Variants in CRB1 observed in about 807,000 individuals in gnomAD.
The protein encoded by CRB1 is protein crumbs homolog 1.
In CRB1, 83 loss-of-function variants were observed where a neutral mutation model predicts 120.0. That is an observed-to-expected ratio of 0.69 (90% CI 0.58 to 0.83). The LOEUF is 0.83. CRB1 is among the 40% of genes least tolerant of loss of function. CRB1 has a pLI of 0.00. For synonymous variants in CRB1, 625 were observed against 612.5 expected (o/e 1.02, Z -0.30); for missense variants, 1,699 against 1,687.6 (o/e 1.01, Z -0.12).
intron 1 of CRB1, among the ~76,000 whole-genome samples, chr1:197,302,629 C>T (rs1656935444): frequency 6.6e-6 from 1 of 152,096 alleles, no homozygotes; most frequent in South Asian, 2.1e-4. Flanking sequence ...GTTCAACTGT[C>T]TCTGATAGAG....
chr1:197,364,293 A>G (rs900435347), intron 5 of CRB1, among the ~76,000 whole-genome samples: 4 of 152,254 alleles, frequency 2.6e-5, no homozygotes, highest in East Asian at 1.9e-4. Flanking sequence ...GATTATTTCT[A>G]TCTAACTGCT....
chr1:197,394,108 T>C (rs377465604), intron 5 of CRB1, among the ~76,000 whole-genome samples: 1 of 152,066 alleles, frequency 6.6e-6, no homozygotes, highest in South Asian at 2.1e-4. Flanking sequence ...TGCCCAACTA[T>C]GTGCAGATTT....
intron 4 of CRB1, among the ~76,000 whole-genome samples, chr1:197,355,916 G>T (rs377723575): frequency 6.6e-6 from 1 of 152,264 alleles, no homozygotes; most frequent in East Asian, 1.9e-4. Flanking sequence ...CGCCCAGAGC[G>T]AGCGAGGGCT....
intron 1 of CRB1, among the ~76,000 whole-genome samples, chr1:197,293,198 AG>A (rs1372080632): frequency 6.6e-6 from 1 of 152,330 alleles, no homozygotes; most frequent in East Asian, 1.9e-4. Context: ...TAAGCTGATA[AG>A]AAACTTCAGC....
At chr1:197,311,247 G>A (rs1657500419) in intron 1 of CRB1, among the ~76,000 whole-genome samples, 1 of 152,188 alleles carries the variant, frequency 6.6e-6, no homozygotes, top group South Asian at 2.1e-4. Context: ...CAACATGGAT[G>A]AACCTTGAGG....
At chr1:197,216,603 AAAAATT>A in the CRB1 span, among the ~76,000 whole-genome samples, 2 of 152,196 alleles carry the variant, frequency 1.3e-5, no homozygotes, top group Non-Finnish European at 2.9e-5. Flanking sequence ...TACCTTCACT[AAAAATT>A]AATTATGATT....
the CRB1 span, among the ~76,000 whole-genome samples, chr1:197,203,961 C>T: frequency 6.6e-6 from 1 of 152,092 alleles, no homozygotes; most frequent in Non-Finnish European, 1.5e-5. Context: ...CACCCTTTCC[C>T]TGAATCCCCA....
chr1:197,298,548 T>C (rs1159620283), intron 1 of CRB1, among the ~76,000 whole-genome samples: 5 of 152,028 alleles, frequency 3.3e-5, no homozygotes, highest in African/African-American at 1.2e-4. Context: ...GATTCTAAAA[T>C]TGAGGAGAAT....
chr1:197,421,522 G>C lies in CRB1; in HGVS notation c.1694G>C (p.Gly565Ala). The change falls in exon 6 of 12, where the codon GGA (glycine) becomes GCA (alanine). Residue 565 changes from glycine (G) to alanine (A), a missense_variant. Gly to Ala is a moderately conservative substitution (Grantham distance 60, BLOSUM62 0). Transcript: ENST00000367400. ...TTCATTTCCCACAACACCAGCGATG[G>C]AGAGTGGCATTTCGTGGAGGTAATA... ...LLFISHNTSD[G>A]EWHFVEVIFA... is the part of the protein sequence containing the mutation. 6.2e-7 allele frequency: 1 copy of C among 1,614,252 alleles called. No homozygotes were observed. Among genetic ancestry groups the C allele is most frequent in the Non-Finnish European group, 8.5e-7 (1 of 1,180,052 alleles).
At chr1:197,327,537 A>T (rs1482592254) in intron 1 of CRB1, among the ~76,000 whole-genome samples, 1 of 152,170 alleles carries the variant, frequency 6.6e-6, no homozygotes. Flanking sequence ...ACACAGATGC[A>T]TACACACACA....
chr1:197,356,772 AAATGCTCTATAATTC>A, intron 4 of CRB1, 44 bp from the exon 5 acceptor site: 1 of 1,570,064 alleles, frequency 6.4e-7, no homozygotes, highest in Non-Finnish European at 8.8e-7. Flanking sequence ...CCTTTTAGGC[AAATGCTCTATAATTC>A]AACACCTTTG....
chr1:197,339,569 A>G (rs1049712834), intron 2 of CRB1, among the ~76,000 whole-genome samples: 1 of 152,202 alleles, frequency 6.6e-6, no homozygotes, highest in African/African-American at 2.4e-5. Flanking sequence ...TCTGCAGATA[A>G]TGAGAAAGGC....
chr1:197,263,934 T>A (rs1654573866), upstream of CRB1, among the ~76,000 whole-genome samples: 1 of 152,224 alleles, frequency 6.6e-6, no homozygotes, highest in African/African-American at 2.4e-5. Flanking sequence ...TTTTATCATG[T>A]CTTGTTCTTG....
At chr1:197,207,485 TG>T in the CRB1 span, among the ~76,000 whole-genome samples, 1 of 152,222 alleles carries the variant, frequency 6.6e-6, no homozygotes, top group East Asian at 1.9e-4. Flanking sequence ...ACCTTAGTTT[TG>T]CTGGATACAA....
At chr1:197,449,975 C>T (rs991084415) in intron 11 of CRB1, among the ~76,000 whole-genome samples, 1 of 152,142 alleles carries the variant, frequency 6.6e-6, no homozygotes, top group Non-Finnish European at 1.5e-5. Flanking sequence ...AGATTGCAAA[C>T]GTCTCTCCTA....
chr1:197,317,242 A>G (rs1657907471), intron 1 of CRB1, among the ~76,000 whole-genome samples: 1 of 152,112 alleles, frequency 6.6e-6, no homozygotes, highest in South Asian at 2.1e-4. Flanking sequence ...ACATGGTGAA[A>G]CCCCATCTCT....
intron 1 of CRB1, among the ~76,000 whole-genome samples, chr1:197,300,977 A>G (rs1169462282): frequency 1.3e-5 from 2 of 152,030 alleles, no homozygotes; most frequent in South Asian, 2.1e-4. Flanking sequence ...TGTTTACAGT[A>G]TGGTTTACTG....
At chr1:197,277,516 A>C (rs1372444623) in intron 1 of CRB1, among the ~76,000 whole-genome samples, 13 of 152,006 alleles carry the variant, frequency 8.6e-5, no homozygotes, top group Admixed American at 6.6e-5. Context: ...TTTTAATACA[A>C]GGAGAGAAAA....
intron 2 of CRB1, among the ~76,000 whole-genome samples, chr1:197,335,570 C>T (rs1309244306): frequency 6.6e-6 from 1 of 152,056 alleles, no homozygotes; most frequent in African/African-American, 2.4e-5. Context: ...GCAATCTCGG[C>T]TCGCTGCAAC....
Sources: gnomAD v4.1 joint callset for allele counts (sites outside exome capture counted in the v4.1 genomes callset) on GRCh38, gnomAD v4.1.1 for gene constraint, MANE v1.5 for transcripts, NCBI Gene and HGNC (gene_info 2026-07-23, HGNC 2026-07-21) for gene names.